Variants in DTNA observed in about 807,000 individuals in gnomAD.
DTNA encodes the protein dystrophin-related protein 3.
Under a neutral mutation model 100.7 loss-of-function variants are expected in DTNA, and 43 were observed. The observed-to-expected ratio is 0.43, with a 90% CI of 0.33 to 0.55. The LOEUF is 0.55. DTNA is among the 20% of genes least tolerant of loss of function. The pLI, the probability that DTNA is intolerant of heterozygous loss-of-function variation, is 0.04. For missense variants in DTNA, 798 were observed against 953.9 expected, an observed-to-expected ratio of 0.84 and a Z score of 2.15; for synonymous variants, 349 against 347.9, an observed-to-expected ratio of 1.00 and a Z score of -0.04.
chr18:34,732,061 A>G (rs1196916668), intron 1 of DTNA, among the ~76,000 whole-genome samples: 2 of 152,216 alleles, frequency 1.3e-5, no homozygotes, highest in African/African-American at 4.8e-5. Flanking sequence ...TCCATTTATT[A>G]GTATCCCTGA....
chr18:34,526,574 A>G lies in DTNA; in HGVS notation c.-2+33060A>G, dbSNP rs1225370462. On this transcript the variant is annotated intron_variant, in intron 1 of 19. Coordinates refer to the DTNA transcript ENST00000283365. ...TTACTGTTATTAGAATTAATGAATA[A>G]CAGAAAACGGCCGTGTCCCTATACT... 3.3e-5 allele frequency among the ~76,000 whole-genome samples: 5 copies of G among 152,242 alleles called. No individual in the cohort carries two copies. The East Asian group carries it at 9.7e-4, about 29-fold the overall frequency.
intron 21 of DTNA, among the ~76,000 whole-genome samples, chr18:34,884,147 G>A (rs1041305001): frequency 1.3e-5 from 2 of 152,132 alleles, no homozygotes; most frequent in African/African-American, 4.8e-5. Flanking sequence ...AATAACCAAT[G>A]TTCTGGTTCA....
intron 1 of DTNA, among the ~76,000 whole-genome samples, chr18:34,567,221 CTTTATT>C (rs2047163028): frequency 6.6e-6 from 1 of 152,024 alleles, no homozygotes; most frequent in African/African-American, 2.4e-5. Flanking sequence ...TTTTAGATGT[CTTTATT>C]TTAATTGTTA....
intron 1 of DTNA, among the ~76,000 whole-genome samples, chr18:34,658,099 G>T (rs541520980): frequency 6.6e-6 from 1 of 152,262 alleles, no homozygotes; most frequent in Non-Finnish European, 1.5e-5. Context: ...CTAAGAAAAA[G>T]ATGAAAGAAG....
intron 1 of DTNA, among the ~76,000 whole-genome samples, chr18:34,629,443 G>A (rs1320772619): frequency 1.3e-5 from 2 of 151,998 alleles, no homozygotes; most frequent in African/African-American, 2.4e-5. Flanking sequence ...TTATTTTATT[G>A]CCATTGTTGT....
chr18:34,686,711 T>C (rs1339742913), intron 1 of DTNA, among the ~76,000 whole-genome samples: 1 of 152,196 alleles, frequency 6.6e-6, no homozygotes, highest in Non-Finnish European at 1.5e-5. Context: ...TCAGAAGGAA[T>C]GGTACCAGCT....
chr18:34,626,049 A>G lies in DTNA; in HGVS notation c.-1-129927A>G, dbSNP rs944248628. 2.6e-5 allele frequency among the ~76,000 whole-genome samples: 4 copies of G among 152,214 alleles called. No homozygotes were observed. The East Asian group carries it at 7.7e-4, about 29-fold the overall frequency. On this transcript the variant is annotated intron_variant, in intron 1 of 19. Coordinates refer to the DTNA transcript ENST00000283365. ...ATTCTCGTAGACTGTCAAGCAGCCT[A>G]GTGACACGTGAAAGCAACTAGAAAG...
At chr18:34,808,436 G>A (rs765623526) in intron 5 of DTNA, among the ~76,000 whole-genome samples, 1 of 152,172 alleles carries the variant, frequency 6.6e-6, no homozygotes, top group Admixed American at 6.5e-5. Flanking sequence ...CTAATTACTG[G>A]TTAGAGAAAA....
chr18:34,813,699 A>G (rs1009068160), intron 6 of DTNA, among the ~76,000 whole-genome samples: 3 of 152,024 alleles, frequency 2.0e-5, no homozygotes, highest in Non-Finnish European at 2.9e-5. Flanking sequence ...CTAAAAATAC[A>G]AAAATTAGCC....
Position 34,602,680 on chromosome 18 carries a change from A to G in DTNA, c.-2+109166A>G, listed in dbSNP as rs377348486. Among the ~76,000 whole-genome samples the G allele has an allele frequency of 1.3e-3, 199 of 151,964 alleles. 1 individual carries two copies. The highest frequency in any genetic ancestry group is 4.1e-3 in the African/African-American group (168 of 41,468). On this transcript the variant is annotated intron_variant, in intron 1 of 19. Coordinates refer to the DTNA transcript ENST00000283365. ...AGTTCAAGACCAGCCTGGGAAATGT[A>G]GTGAGAGCCTGTCTCTACAAAAAAA... is the stretch of plus-strand genomic sequence containing the variant.
At chr18:34,549,709 A>AT (rs1424799709) in intron 1 of DTNA, among the ~76,000 whole-genome samples, 1 of 151,630 alleles carries the variant, frequency 6.6e-6, no homozygotes, top group African/African-American at 2.4e-5. Flanking sequence ...CCTTTTGCTG[A>AT]TTTTTTCTAC....
chr18:34,889,249 G>C lies in DTNA; in HGVS notation c.*1515G>C. ...ACATTTTAGAACAATAGTTCTCAAA[G>C]TGTGTTCCCCGGACAAGCAGCATCT... On this transcript the variant is annotated 3_prime_UTR_variant, in exon 23 of 23. Coordinates refer to ENST00000444659, the MANE Select transcript of DTNA (RefSeq NM_001386795.1). 1.0e-6 allele frequency: 1 copy of C among 985,196 alleles called. No individual in the cohort carries two copies. The highest frequency in any genetic ancestry group is 1.2e-6 in the Non-Finnish European group (1 of 829,770). The allele number at this position is 985,196 out of a possible 1,614,324, so 61.0% of individuals were successfully genotyped here.
chr18:34,686,668 G>T (rs1435378640), intron 1 of DTNA, among the ~76,000 whole-genome samples: 2 of 152,114 alleles, frequency 1.3e-5, no homozygotes, highest in Admixed American at 6.5e-5. Flanking sequence ...GAGTTAGGGT[G>T]GAGTCCCTCT....
At chr18:34,733,601 C>G (rs1008734341) in intron 1 of DTNA, among the ~76,000 whole-genome samples, 2 of 152,176 alleles carry the variant, frequency 1.3e-5, no homozygotes, top group African/African-American at 4.8e-5. Flanking sequence ...ACCATTAGAT[C>G]TGACATACAG....
At chr18:34,558,478 G>T (rs987390129) in intron 1 of DTNA, among the ~76,000 whole-genome samples, 3 of 152,206 alleles carry the variant, frequency 2.0e-5, no homozygotes, top group Admixed American at 6.5e-5. Context: ...TATTCTAGTT[G>T]TCAGTAATAC....
At chr18:34,700,566 A>G (rs2081224293) in intron 1 of DTNA, among the ~76,000 whole-genome samples, 1 of 152,122 alleles carries the variant, frequency 6.6e-6, no homozygotes, top group African/African-American at 2.4e-5. Flanking sequence ...CTGCCATCAC[A>G]TTCACCAGGC....
At chr18:34,882,514 A>G (rs2096882913) in intron 21 of DTNA, among the ~76,000 whole-genome samples, 1 of 151,938 alleles carries the variant, frequency 6.6e-6, no homozygotes, top group South Asian at 2.1e-4. Context: ...GACTACGGGC[A>G]TGCACCACCA....
chr18:34,557,804 G>A (rs2046236759), intron 1 of DTNA, among the ~76,000 whole-genome samples: 1 of 152,128 alleles, frequency 6.6e-6, no homozygotes, highest in Non-Finnish European at 1.5e-5. Flanking sequence ...AGTCTGCAGA[G>A]GTTACTGCTG....
intron 1 of DTNA, among the ~76,000 whole-genome samples, chr18:34,508,878 C>G (rs530755425): frequency 6.6e-6 from 1 of 152,194 alleles, no homozygotes; most frequent in Non-Finnish European, 1.5e-5. Flanking sequence ...CCTTTATACA[C>G]TTTTTTGAAA....
Sources: gnomAD v4.1 joint callset for allele counts (sites outside exome capture counted in the v4.1 genomes callset) on GRCh38, gnomAD v4.1.1 for gene constraint, MANE v1.5 for transcripts, NCBI Gene and HGNC (gene_info 2026-07-23, HGNC 2026-07-21) for gene names.